The following EPS8 variants were observed in gnomAD, a reference collection of about 807,000 sequenced individuals.
EPS8 encodes the protein EGFR pathway substrate 8, signaling adaptor.
A neutral mutation model predicts 103.8 loss-of-function variants in EPS8; 42 were observed. The observed-to-expected ratio is 0.40, with a 90% CI of 0.32 to 0.52. The LOEUF (loss-of-function observed/expected upper bound fraction) is 0.52, where lower values mean the gene tolerates loss of function less well. Among genes scored for constraint, EPS8 ranks in the 20% least tolerant of loss-of-function variants. EPS8 has a pLI of 0.40. For synonymous variants in EPS8, 344 were observed against 344.6 expected, an observed-to-expected ratio of 1.00 and a Z score of 0.02; for missense variants, 969 against 1,005.1, an observed-to-expected ratio of 0.96 and a Z score of 0.49.
chr12:15,663,987 A>ACACAC (rs60323125), intron 8 of EPS8, among the ~76,000 whole-genome samples: 1 of 136,448 alleles, frequency 7.3e-6, no homozygotes, highest in Non-Finnish European at 1.6e-5. Flanking sequence ...ACACACACAC[A>ACACAC]TATATATATG....
intron 1 of EPS8, among the ~76,000 whole-genome samples, chr12:15,766,679 C>CA (rs769965889): frequency 0.01 from 884 of 85,520 alleles, 2 homozygotes; most frequent in South Asian, 0.017. Flanking sequence ...ACTCTGTCTC[C>CA]AAAAAAAAAA....
At chr12:15,675,041 A>C (rs1365262558) in intron 3 of EPS8, among the ~76,000 whole-genome samples, 1 of 152,240 alleles carries the variant, frequency 6.6e-6, no homozygotes, top group Non-Finnish European at 1.5e-5. Context: ...GAAGAGAAAG[A>C]AAGCTAGGTA....
chr12:15,691,075 T>G (rs1946164856), intron 1 of EPS8, among the ~76,000 whole-genome samples: 1 of 151,952 alleles, frequency 6.6e-6, no homozygotes, highest in South Asian at 2.1e-4. Flanking sequence ...GGACAAACTT[T>G]CCTTGAAGCT....
rs1489737986 is a variant in EPS8, at chr12:15,650,829, G to A, written c.1428C>T (p.Ser476=). 22 of 1,613,220 alleles carry A rather than the reference G, an allele frequency of 1.4e-5. No homozygotes were observed. Among genetic ancestry groups the A allele is most frequent in the African/African-American group, 2.7e-5 (2 of 74,874 alleles). ...HQRKQEIKRL[S]TEHSSVSEYH... is the part of the protein sequence containing the mutation. ...ATGTTAAAAAAAAAACTACCTCTGTGGATAATCTTTTTATTTCCTGTTTGC... is the reference window on the plus strand; with the variant it reads ...ATGTTAAAAAAAAAACTACCTCTGTAGATAATCTTTTTATTTCCTGTTTGC... The change falls in exon 14 of 21, where the codon TCC becomes TCT. Residue 476 remains serine, a synonymous_variant. Transcript: ENST00000281172.
intron 6 of EPS8, 144 bp from the exon 7 acceptor site, chr12:15,666,666 C>T: frequency 1.7e-6 from 1 of 605,564 alleles, no homozygotes. Context: ...TCTTGCAAAA[C>T]ATGACTCTTG....
chr12:15,652,818 G>A (rs975913151), intron 13 of EPS8, among the ~76,000 whole-genome samples: 5 of 152,060 alleles, frequency 3.3e-5, no homozygotes, highest in African/African-American at 1.2e-4. Context: ...GTTTGTATAT[G>A]TTTCAATAGG....
intron 14 of EPS8, among the ~76,000 whole-genome samples, chr12:15,649,919 C>T (rs529079070): frequency 3.3e-5 from 5 of 152,168 alleles, no homozygotes; most frequent in South Asian, 2.1e-4. Flanking sequence ...AATAGGATTT[C>T]GGGAAGATCT....
Position 15,640,857 on chromosome 12 carries a change from CA to C in EPS8, c.1678-12del. On this transcript the variant is annotated splice_polypyrimidine_tract_variant and intron_variant, in intron 16 of 20. Coordinates refer to ENST00000281172, the MANE Select transcript of EPS8 (RefSeq NM_004447.6). ...CCGATCATCAAGTATCTGTCATGTACAAGAAAATAAAGGTATAATTTCCATA... is the reference window on the plus strand; with the variant it reads ...CCGATCATCAAGTATCTGTCATGTACAGAAAATAAAGGTATAATTTCCATA... 1 of 1,611,818 alleles carries C rather than the reference CA, an allele frequency of 6.2e-7. No homozygotes were observed. The highest frequency in any genetic ancestry group is 8.5e-7 in the Non-Finnish European group (1 of 1,179,340).
chr12:15,721,854 C>T lies in EPS8; in HGVS notation c.-21-38882G>A, dbSNP rs1194914059. On this transcript the variant is annotated intron_variant, in intron 1 of 20. Coordinates refer to ENST00000281172, the MANE Select transcript of EPS8 (RefSeq NM_004447.6). The surrounding 1 kb of genome is among the most constrained non-coding windows in gnomAD (Gnocchi z 4.4). ...TCTGATCATAAAAGTAAATCCATGGCAGAAAGTTAGAACATACAAAACTAT... is the reference window on the plus strand; with the variant it reads ...TCTGATCATAAAAGTAAATCCATGGTAGAAAGTTAGAACATACAAAACTAT... Among the ~76,000 whole-genome samples, 1 of 151,376 alleles carries T rather than the reference C, an allele frequency of 6.6e-6. No individual in the cohort carries two copies. The highest frequency in any genetic ancestry group is 2.4e-5 in the African/African-American group (1 of 41,256).
At position 15,779,443 on chromosome 12, in the gene EPS8, T is replaced by G. The variant is rs150464653; in HGVS notation, c.-22+9718A>C. ...TAAATGTCAAAATTATTGCAGAAAA[T>G]TAGATAAACTGTAATCAATGTCTTC... On this transcript the variant is annotated intron_variant, in intron 1 of 20. Coordinates refer to ENST00000281172, the MANE Select transcript of EPS8 (RefSeq NM_004447.6). This position sits in a 1 kb window ranked among gnomAD's most constrained non-coding sequence, Gnocchi z 4.3. Among the ~76,000 whole-genome samples the G allele has an allele frequency of 1.1e-3, 174 of 152,318 alleles. No homozygotes were observed. The highest frequency in any genetic ancestry group is 4.1e-3 in the African/African-American group (169 of 41,576).
chr12:15,765,846 C>T (rs1399845366), intron 1 of EPS8, among the ~76,000 whole-genome samples: 1 of 140,248 alleles, frequency 7.1e-6, no homozygotes, highest in Non-Finnish European at 1.5e-5. Context: ...CGGAGTCTTG[C>T]TCTGTCGCCC....
chr12:15,740,223 C>T (rs990670762), intron 1 of EPS8, among the ~76,000 whole-genome samples: 2 of 152,198 alleles, frequency 1.3e-5, no homozygotes, highest in East Asian at 3.9e-4. Flanking sequence ...TCTAGAGCAC[C>T]TACAAGCATA....
At chr12:15,657,979 C>G in intron 12 of EPS8, 100 bp downstream of exon 12, 1 of 721,364 alleles carries the variant, frequency 1.4e-6, no homozygotes, top group Non-Finnish European at 2.4e-6. Context: ...ATAGTACCCA[C>G]GCAAGGTAAT....
At position 15,621,233 on chromosome 12, in the gene EPS8, T is replaced by C. The variant is rs1944856424; in HGVS notation, c.*84A>G. On this transcript the variant is annotated 3_prime_UTR_variant, in exon 21 of 21. Transcript: ENST00000281172. ...GATAAATTACATCAAGAAAAATGAA[T>C]CTGACATTCCCTTCAAGGCTTCTTA... 1.6e-6 allele frequency: 1 copy of C among 628,702 alleles called. No homozygotes were observed. The highest frequency in any genetic ancestry group is 2.6e-6 in the Non-Finnish European group (1 of 386,648). The allele number at this position is 628,702 out of a possible 1,614,324, so 38.9% of individuals were successfully genotyped here. A position where few individuals can be genotyped will look rare whatever the true frequency, so the allele number is the denominator to read the frequency against.
chr12:15,765,960 C>T (rs374150412), intron 1 of EPS8, among the ~76,000 whole-genome samples: 12 of 151,320 alleles, frequency 7.9e-5, no homozygotes, highest in East Asian at 2.0e-4. Flanking sequence ...ATTACAGGCG[C>T]GTGCCACCAT....
At chr12:15,650,711 T>G in intron 14 of EPS8, 112 bp downstream of exon 14, 1 of 908,134 alleles carries the variant, frequency 1.1e-6, no homozygotes. Context: ...ATTCAGACTT[T>G]GATTCTAGAA....
In EPS8 at chr12:15,761,368, T is replaced by A. The variant is rs1051138495; in HGVS notation, c.-22+27793A>T. On this transcript the variant is annotated intron_variant, in intron 1 of 20. Coordinates refer to ENST00000281172, the MANE Select transcript of EPS8 (RefSeq NM_004447.6). This position sits in a 1 kb window ranked among gnomAD's most constrained non-coding sequence, Gnocchi z 4.5. ...AAAATTTCCATACTTCCCAAAGCAA[T>A]CTACAGATTCAATGAAATCCCTGTC... Among the ~76,000 whole-genome samples, 3 of 152,218 alleles carry A rather than the reference T, an allele frequency of 2.0e-5. No homozygotes were observed. Among genetic ancestry groups the A allele is most frequent in the East Asian group, 1.9e-4 (1 of 5,180 alleles).
chr12:15,680,944 G>T (rs1280216995), intron 3 of EPS8, among the ~76,000 whole-genome samples: 3 of 152,000 alleles, frequency 2.0e-5, no homozygotes, highest in African/African-American at 7.2e-5. Flanking sequence ...ATTATTACAA[G>T]TAGTAAATGG....
At chr12:15,783,438 C>G (rs147951640) in intron 1 of EPS8, among the ~76,000 whole-genome samples, 1 of 151,896 alleles carries the variant, frequency 6.6e-6, no homozygotes, top group Admixed American at 6.6e-5. Flanking sequence ...TGAGTCTAAC[C>G]GCTGCACTAT....
Sources: gnomAD v4.1 joint callset for allele counts (sites outside exome capture counted in the v4.1 genomes callset) on GRCh38, gnomAD v4.1.1 for gene constraint, Gnocchi (gnomAD v3.1) non-coding constraint, MANE v1.5 for transcripts, NCBI Gene and HGNC (gene_info 2026-07-23, HGNC 2026-07-21) for gene names.